Variants in MROH2B observed in about 807,000 individuals in gnomAD.
MROH2B encodes maestro heat-like repeat-containing protein family member 2B.
In MROH2B, 177 loss-of-function variants were observed where a neutral mutation model predicts 208.6. That is an observed-to-expected ratio of 0.85 (90% confidence interval 0.75 to 0.96). The LOEUF (loss-of-function observed/expected upper bound fraction) is 0.96, where lower values mean the gene tolerates loss of function less well. Ranked by LOEUF, MROH2B falls within the 40% of genes least tolerant of loss-of-function variation. The pLI is 0.00. For synonymous variants in MROH2B, 728 were observed against 659.0 expected, an observed-to-expected ratio of 1.10 and a Z score of -1.60; for missense variants, 2,002 against 1,878.7, an observed-to-expected ratio of 1.07 and a Z score of -1.21.
chr5:41,069,718 C>T lies in MROH2B; in HGVS notation c.63G>A (p.Met21Ile), dbSNP rs944422001. 6 of 1,607,428 alleles carry T rather than the reference C, an allele frequency of 3.7e-6. No individual in the cohort carries two copies. In the Admixed American group the frequency reaches 8.4e-5, roughly 23 times the overall value. Residue 21 changes from methionine (M) to isoleucine (I), a missense_variant, in exon 2 of 42, where the codon ATG (methionine) becomes ATA (isoleucine). Met to Ile is a conservative substitution (Grantham distance 10). Coordinates refer to ENST00000399564, the MANE Select transcript of MROH2B (RefSeq NM_173489.5). ...MFGDINLTLG[M>I]LNKEDIVNKE... The stretch of plus-strand genomic sequence containing the variant: ...TGTTAACAATATCTTCCTTGTTCAG[C>T]ATGCCAAGAGTGAGGTTAATATCCC...
intron 37 of MROH2B, 94 bp downstream of exon 37, chr5:41,004,252 G>A: frequency 1.4e-6 from 2 of 1,426,268 alleles, no homozygotes; most frequent in Non-Finnish European, 1.9e-6. Flanking sequence ...AGGAATATGG[G>A]TGGGACACTG....
chr5:41,033,043 G>A lies in MROH2B; in HGVS notation c.2359C>T (p.Leu787=). 6.2e-7 allele frequency: 1 copy of A among 1,612,878 alleles called. No individual in the cohort carries two copies. The highest frequency in any genetic ancestry group is 8.5e-7 in the Non-Finnish European group (1 of 1,179,192). The part of the protein sequence containing the change: ...SYKEMLIGYM[L]DFIRDEPLDS... Reference sequence around the variant, plus strand: ...TTATTCCCTCTCTGCACACTCACCAGCATGTAACCAATCAGCATCTCCTTG... The same window carrying A: ...TTATTCCCTCTCTGCACACTCACCAACATGTAACCAATCAGCATCTCCTTG... Residue 787 remains leucine (L), a splice_region_variant and synonymous_variant, in exon 23 of 42, where the codon CTG becomes TTG. Transcript: ENST00000399564.
intron 24 of MROH2B, among the ~76,000 whole-genome samples, chr5:41,020,922 A>G (rs1437185145): frequency 6.6e-6 from 1 of 152,220 alleles, no homozygotes; most frequent in Non-Finnish European, 1.5e-5. Context: ...TCTATTTAGC[A>G]TAGTGCTGGA....
At chr5:41,028,996 T>C (rs545625936) in intron 24 of MROH2B, among the ~76,000 whole-genome samples, 2 of 152,256 alleles carry the variant, frequency 1.3e-5, no homozygotes, top group South Asian at 4.1e-4. Flanking sequence ...ACACAGAAGA[T>C]AAATTGCTGG....
At position 41,018,952 on chromosome 5, in the gene MROH2B, C is replaced by T. The variant is rs538268390; in HGVS notation, c.2508G>A (p.Leu836=). The part of the protein sequence containing the change: ...LNILEENIRR[L]LPLPPLENLK... ...GATTTTCCAGAGGTGGAAGGGGCAGCAGCCTCCGAATATTCTCCTCAAGAA... is the reference window on the plus strand; with the variant it reads ...GATTTTCCAGAGGTGGAAGGGGCAGTAGCCTCCGAATATTCTCCTCAAGAA... The change falls in exon 25 of 42, where the codon CTG becomes CTA. Residue 836 remains leucine, a synonymous_variant. Coordinates refer to ENST00000399564, the MANE Select transcript of MROH2B (RefSeq NM_173489.5). The T allele has an allele frequency of 7.7e-5, 125 of 1,613,852 alleles. No homozygotes were observed. The South Asian group carries it at 1.3e-3, about 17-fold the overall frequency.
Position 41,058,204 on chromosome 5 carries a change from C to G in MROH2B, c.616-1G>C, listed in dbSNP as rs774231848. On this transcript the variant is annotated splice_acceptor_variant, in intron 6 of 41. Transcript: ENST00000399564. LOFTEE classifies it high-confidence loss of function. ...CGTGGGCCTTAACGATGCTCAAAGT[C>G]TGTACAGGCAGCAAACAAATACCGT... 6.5e-7 allele frequency: 1 copy of G among 1,550,122 alleles called. No individual in the cohort carries two copies. Among genetic ancestry groups the G allele is most frequent in the Admixed American group, 2.0e-5 (1 of 50,246 alleles).
chr5:41,026,683 G>A (rs1230033582), intron 24 of MROH2B, among the ~76,000 whole-genome samples: 3 of 152,046 alleles, frequency 2.0e-5, no homozygotes, highest in African/African-American at 4.8e-5. Context: ...TTGGGAAAAA[G>A]CTACTTTAAA....
At position 41,047,772 on chromosome 5, in the gene MROH2B, C is replaced by CA; in HGVS notation, c.1685-9dup. ...CGGTACTGATGTTCTTTCCTAGAAACAAAAATTGATGTAATAATCGCAAAA... is the reference window on the plus strand; with the variant it reads ...CGGTACTGATGTTCTTTCCTAGAAACAAAAAATTGATGTAATAATCGCAAAA... On this transcript the variant is annotated splice_polypyrimidine_tract_variant and intron_variant, in intron 16 of 41. Coordinates refer to ENST00000399564, the MANE Select transcript of MROH2B (RefSeq NM_173489.5). 1 of 1,580,136 alleles carries CA rather than the reference C, an allele frequency of 6.3e-7. No homozygotes were observed. The highest frequency in any genetic ancestry group is 1.2e-5 in the South Asian group (1 of 86,068).
At chr5:41,026,826 A>G (rs1320656100) in intron 24 of MROH2B, among the ~76,000 whole-genome samples, 1 of 152,156 alleles carries the variant, frequency 6.6e-6, no homozygotes, top group Non-Finnish European at 1.5e-5. Context: ...CATGGTACTC[A>G]TGCCAAAACA....
chr5:41,025,001 C>T (rs1742298977), intron 24 of MROH2B, among the ~76,000 whole-genome samples: 2 of 152,280 alleles, frequency 1.3e-5, no homozygotes, highest in African/African-American at 2.4e-5. Flanking sequence ...AACAAAGACA[C>T]AACATACCAG....
chr5:41,027,103 C>T (rs541375765), intron 24 of MROH2B, among the ~76,000 whole-genome samples: 13 of 152,178 alleles, frequency 8.5e-5, no homozygotes, highest in African/African-American at 3.1e-4. Context: ...AAACCTAGGC[C>T]ATAACATTCA....
chr5:41,007,948 A>G (rs1230514494), intron 33 of MROH2B, among the ~76,000 whole-genome samples: 1 of 152,224 alleles, frequency 6.6e-6, no homozygotes, highest in Non-Finnish European at 1.5e-5. Context: ...AAAAACAGCA[A>G]TTACTTTTGC....
chr5:41,018,647 G>C (rs1443801576), intron 26 of MROH2B, 44 bp downstream of exon 26: 3 of 1,600,790 alleles, frequency 1.9e-6, no homozygotes, highest in East Asian at 2.2e-5. Context: ...TTGAAGAACA[G>C]ATTAGGGAGA....
intron 24 of MROH2B, 83 bp downstream of exon 24, chr5:41,032,659 T>C: frequency 8.8e-7 from 1 of 1,131,368 alleles, no homozygotes; most frequent in Non-Finnish European, 1.3e-6. Flanking sequence ...TGTACTGAAG[T>C]CTGCACTAAC....
intron 34 of MROH2B, 125 bp downstream of exon 34, chr5:41,007,189 C>T (rs1199432293): frequency 4.3e-6 from 4 of 926,598 alleles, no homozygotes; most frequent in East Asian, 6.5e-5. Context: ...CCTGTTTGTC[C>T]TCCTTCGACT....
chr5:41,044,024 G>T (rs1337633269), intron 18 of MROH2B, among the ~76,000 whole-genome samples: 3 of 151,350 alleles, frequency 2.0e-5, no homozygotes, highest in East Asian at 1.9e-4. Context: ...TGGATCATGA[G>T]GTCAGGAGAT....
intron 24 of MROH2B, among the ~76,000 whole-genome samples, chr5:41,024,815 C>T (rs1043141320): frequency 1.3e-5 from 2 of 152,274 alleles, no homozygotes; most frequent in Admixed American, 6.5e-5. Context: ...TGTAAAAGAA[C>T]AGAAATTATA....
intron 34 of MROH2B, among the ~76,000 whole-genome samples, chr5:41,006,190 T>C (rs919077227): frequency 1.3e-5 from 2 of 152,054 alleles, no homozygotes; most frequent in African/African-American, 2.4e-5. Context: ...GAATAGATAA[T>C]TCTCAAAAGA....
chr5:41,040,954 T>G (rs1382170064), intron 19 of MROH2B, among the ~76,000 whole-genome samples: 1 of 152,120 alleles, frequency 6.6e-6, no homozygotes, highest in Non-Finnish European at 1.5e-5. Context: ...TGTGAACCAC[T>G]GTGCCCGGCC....
Sources: allele counts gnomAD v4.1 joint callset (sites outside exome capture counted in the v4.1 genomes callset), GRCh38; gene constraint gnomAD v4.1.1; transcripts MANE v1.5; gene names NCBI Gene and HGNC (gene_info 2026-07-23, HGNC 2026-07-21).